Variants in GNAL observed in about 807,000 individuals in gnomAD.
GNAL encodes G protein subunit alpha L, also known as guanine nucleotide-binding protein G(olf) subunit alpha.
In GNAL, 18 loss-of-function variants were observed where a neutral mutation model predicts 55.1. That is an observed-to-expected ratio of 0.33 (90% CI 0.23 to 0.48). GNAL has a LOEUF of 0.48. Ranked by LOEUF, GNAL falls within the 20% of genes least tolerant of loss-of-function variation. The probability of loss-of-function intolerance (pLI) is 0.99; values close to 1 mark genes in which losing one functional copy is unlikely to be tolerated. For synonymous variants in GNAL, 253 were observed against 237.0 expected, an observed-to-expected ratio of 1.07 and a Z score of -0.62; for missense variants, 412 against 614.1, an observed-to-expected ratio of 0.67 and a Z score of 3.48.
At chr18:11,805,248 G>C (rs113711818) in intron 4 of GNAL, among the ~76,000 whole-genome samples, 5 of 149,942 alleles carry the variant, frequency 3.3e-5, no homozygotes, top group South Asian at 2.2e-4. Flanking sequence ...TACAGGTGCA[G>C]TTTGAGTGGA....
intron 5 of GNAL, among the ~76,000 whole-genome samples, chr18:11,832,715 G>A (rs1341974272): frequency 4.6e-5 from 7 of 151,872 alleles, no homozygotes; most frequent in Admixed American, 3.3e-4. Flanking sequence ...GAAATTAGCC[G>A]GGCATGGTGG....
At chr18:11,771,662 C>G (rs1055504233) in intron 4 of GNAL, among the ~76,000 whole-genome samples, 7 of 152,192 alleles carry the variant, frequency 4.6e-5, no homozygotes, top group African/African-American at 1.7e-4. Context: ...GCAGGTAGAC[C>G]AGGGACAGTG....
chr18:11,824,927 G>C lies in GNAL; in HGVS notation c.634G>C (p.Asp212His), dbSNP rs1343457822. Residue 212 changes from aspartate (D) to histidine (H), a missense_variant, in exon 5 of 12, where the codon GAC (aspartate) becomes CAC (histidine). Physicochemically the swap from Asp to His is moderately conservative, Grantham distance 81. Coordinates refer to ENST00000334049, the MANE Select transcript of GNAL (RefSeq NM_182978.4). ...CTCTTTCAAACTTTAGGAATTCTTT[G>C]ACCATGTGAAAAAACTTTGGGACGA... ...TDFEYSQEFFDHVKKLWDDEG... is the reference protein window; with the variant it reads ...TDFEYSQEFFHHVKKLWDDEG... The C allele has an allele frequency of 5.1e-6, 8 of 1,562,260 alleles. No homozygotes were observed. The highest frequency in any genetic ancestry group is 6.1e-6 in the Non-Finnish European group (7 of 1,138,854).
intron 4 of GNAL, among the ~76,000 whole-genome samples, chr18:11,780,107 G>A (rs888582316): frequency 5.3e-5 from 8 of 152,136 alleles, no homozygotes; most frequent in Non-Finnish European, 1.0e-4. Context: ...GATGGTTTGC[G>A]TTACATTTCT....
At chr18:11,741,556 C>T (rs1190413642) in intron 1 of GNAL, among the ~76,000 whole-genome samples, 1 of 152,150 alleles carries the variant, frequency 6.6e-6, no homozygotes, top group Non-Finnish European at 1.5e-5. Flanking sequence ...TTAATGAGAT[C>T]AGGGACAATG....
chr18:11,876,268 C>T (rs604816), intron 10 of GNAL, among the ~76,000 whole-genome samples: 50,149 of 152,078 alleles, frequency 0.33, 9,476 homozygotes, highest in African/African-American at 0.53. Flanking sequence ...AGTCAGGAGT[C>T]TGAGACCAGA....
intron 4 of GNAL, among the ~76,000 whole-genome samples, chr18:11,766,225 T>C (rs1264714553): frequency 1.3e-5 from 2 of 152,230 alleles, no homozygotes; most frequent in Non-Finnish European, 2.9e-5. Flanking sequence ...TTTTTTAGTT[T>C]TGCATGAGAA....
intron 4 of GNAL, among the ~76,000 whole-genome samples, chr18:11,806,751 T>C (rs2034673023): frequency 6.7e-6 from 1 of 149,782 alleles, no homozygotes; most frequent in Non-Finnish European, 1.5e-5. Context: ...TTTTTTTAAC[T>C]TTTATCTTAA....
chr18:11,870,065 G>A (rs930160483), intron 9 of GNAL, among the ~76,000 whole-genome samples: 2 of 152,204 alleles, frequency 1.3e-5, no homozygotes, highest in Admixed American at 6.5e-5. Flanking sequence ...ACGGGAGGAT[G>A]TGCATGGTTT....
intron 1 of GNAL, among the ~76,000 whole-genome samples, chr18:11,699,325 G>C (rs2031500793): frequency 6.6e-6 from 1 of 151,852 alleles, no homozygotes; most frequent in Non-Finnish European, 1.5e-5. Context: ...CTCCCAAGTA[G>C]CTAGGACCAC....
At chr18:11,690,042 G>C in intron 1 of GNAL, 103 bp downstream of exon 1, 1 of 595,632 alleles carries the variant, frequency 1.7e-6, no homozygotes, top group East Asian at 4.0e-5. Flanking sequence ...GGGAGCGGCG[G>C]CGGGAGGGGC....
Position 11,751,628 on chromosome 18 carries a change from C to A in GNAL, c.377-1225C>A, listed in dbSNP as rs988546101. The A allele has an allele frequency of 6.1e-6, 6 of 985,290 alleles. No homozygotes were observed. The African/African-American group carries it at 1.0e-4, about 17-fold the overall frequency. 61.0% of individuals were successfully genotyped at this position (985,290 alleles called of 1,614,324 possible). On this transcript the variant is annotated intron_variant, in intron 1 of 11. Transcript: ENST00000334049. This position sits in a 1 kb window ranked among gnomAD's most constrained non-coding sequence, Gnocchi z 4.5. ...GGGGCGCGCGCCCAGACGCACTTTC[C>A]CGGCTCGGGGTGCAAGAGAGCCAGG...
At chr18:11,744,468 A>G (rs1186304517) in intron 1 of GNAL, among the ~76,000 whole-genome samples, 1 of 152,200 alleles carries the variant, frequency 6.6e-6, no homozygotes, top group Non-Finnish European at 1.5e-5. Flanking sequence ...CTCTGCTGCT[A>G]AAAATGAATG....
chr18:11,807,459 A>T (rs1354450336), intron 4 of GNAL, among the ~76,000 whole-genome samples: 1 of 152,218 alleles, frequency 6.6e-6, no homozygotes, highest in African/African-American at 2.4e-5. Flanking sequence ...CTCAAGGTAC[A>T]GCCAAGAGTA....
At chr18:11,831,908 G>C (rs1242313820) in intron 5 of GNAL, among the ~76,000 whole-genome samples, 1 of 152,146 alleles carries the variant, frequency 6.6e-6, no homozygotes, top group African/African-American at 2.4e-5. Context: ...GTGATTGCAG[G>C]ACTGTGAGAA....
chr18:11,715,896 A>G (rs1428196935), intron 1 of GNAL, among the ~76,000 whole-genome samples: 1 of 151,980 alleles, frequency 6.6e-6, no homozygotes, highest in Admixed American at 6.6e-5. Flanking sequence ...AAAAAAAAAA[A>G]GCTCAACATC....
chr18:11,829,482 G>T (rs768605797), intron 5 of GNAL, among the ~76,000 whole-genome samples: 1 of 152,156 alleles, frequency 6.6e-6, no homozygotes, highest in Non-Finnish European at 1.5e-5. Context: ...TGCCAAATAA[G>T]ATGTTAGAAA....
chr18:11,854,688 G>C (rs1297096358), intron 5 of GNAL, among the ~76,000 whole-genome samples: 1 of 152,032 alleles, frequency 6.6e-6, no homozygotes, highest in Non-Finnish European at 1.5e-5. Context: ...GGCTGAGGCA[G>C]GAGAATTGCT....
At chr18:11,768,884 ACTCTGT>A (rs1435064274) in intron 4 of GNAL, among the ~76,000 whole-genome samples, 1 of 135,042 alleles carries the variant, frequency 7.4e-6, no homozygotes, top group East Asian at 2.0e-4. Context: ...ACGGAGCAAG[ACTCTGT>A]CTCAAAAAAA....
Sources: gnomAD v4.1 joint callset for allele counts (sites outside exome capture counted in the v4.1 genomes callset) on GRCh38, gnomAD v4.1.1 for gene constraint, Gnocchi (gnomAD v3.1) non-coding constraint, MANE v1.5 for transcripts, NCBI Gene and HGNC (gene_info 2026-07-23, HGNC 2026-07-21) for gene names.